The following TSPAN19 variants were observed in gnomAD, a reference collection of about 807,000 sequenced individuals.
TSPAN19 encodes the protein tetraspanin-19.
TSPAN19 carries 44 observed loss-of-function variants against 35.1 expected under a neutral mutation model. The ratio of observed to expected loss-of-function variants is 1.25; its 90% confidence interval spans 0.98 to 1.61. The LOEUF is 1.61. Ranked by LOEUF, TSPAN19 falls within the 40% of genes most tolerant of loss-of-function variation. The pLI is 0.00. For missense variants in TSPAN19, 290 were observed against 280.0 expected (o/e 1.04, Z -0.26); for synonymous variants, 79 against 92.0 (o/e 0.86, Z 0.81).
At chr12:85,033,957 T>G (rs1050620548) in intron 1 of TSPAN19, among the ~76,000 whole-genome samples, 5 of 152,066 alleles carry the variant, frequency 3.3e-5, no homozygotes, top group African/African-American at 1.2e-4. Flanking sequence ...AGTATAGAAA[T>G]ATTAAGATTA....
chr12:85,015,778 G>T, intron 8 of TSPAN19, 110 bp downstream of exon 8: 2 of 731,112 alleles, frequency 2.7e-6, no homozygotes, highest in Non-Finnish European at 4.3e-6. Flanking sequence ...CAAAGTCCTG[G>T]CTCTATTATA....
chr12:85,026,352 A>G (rs1172664135), intron 4 of TSPAN19, among the ~76,000 whole-genome samples: 1 of 152,164 alleles, frequency 6.6e-6, no homozygotes. Flanking sequence ...AGAGAGAAAG[A>G]TAAGATTTGA....
At chr12:85,025,282 C>G (rs1269831489) in intron 4 of TSPAN19, among the ~76,000 whole-genome samples, 1 of 151,130 alleles carries the variant, frequency 6.6e-6, no homozygotes, top group South Asian at 2.1e-4. Context: ...ATTACCAGTG[C>G]CCACCACCAC....
chr12:85,023,339 G>T lies in TSPAN19; in HGVS notation c.326C>A (p.Thr109Lys). ...VQVVLSAFII[T>K]KKEEVQQLWH... ...TACTTTCCATACCTCCTCTTTCTTT[G>T]TGATGATGAATGCTGAAAGTACAAC... Residue 109 changes from threonine (T) to lysine (K), a missense_variant, in exon 5 of 9, where the codon ACA (threonine) becomes AAA (lysine). By Grantham distance (78) the Thr-to-Lys change is moderately conservative (BLOSUM62 -1). Transcript: ENST00000532498. 1 of 1,583,740 alleles carries T rather than the reference G, an allele frequency of 6.3e-7. No homozygotes were observed. The highest frequency in any genetic ancestry group is 8.6e-7 in the Non-Finnish European group (1 of 1,163,698).
intron 1 of TSPAN19, among the ~76,000 whole-genome samples, chr12:85,032,086 C>T (rs1015077244): frequency 6.6e-6 from 1 of 151,976 alleles, no homozygotes; most frequent in Admixed American, 6.6e-5. Context: ...TTTAAAAATT[C>T]AGGAAAATGG....
chr12:85,018,495 T>G (rs777263805), intron 6 of TSPAN19, among the ~76,000 whole-genome samples: 7 of 151,894 alleles, frequency 4.6e-5, no homozygotes, highest in Non-Finnish European at 8.8e-5. Context: ...CAGAATTGTT[T>G]CCTCATCATT....
At chr12:85,019,914 T>C (rs1877030215) in intron 5 of TSPAN19, among the ~76,000 whole-genome samples, 178 bp from the exon 6 acceptor site, 1 of 151,996 alleles carries the variant, frequency 6.6e-6, no homozygotes, top group Non-Finnish European at 1.5e-5. Flanking sequence ...TATCAAATCA[T>C]ATGGTTTTTC....
chr12:85,025,431 C>T (rs1156762091), intron 4 of TSPAN19, among the ~76,000 whole-genome samples: 4 of 152,038 alleles, frequency 2.6e-5, no homozygotes, highest in Admixed American at 2.6e-4. Context: ...TGAGCCACCA[C>T]ACCCGGCATA....
At chr12:85,025,817 C>A (rs1292212401) in intron 4 of TSPAN19, among the ~76,000 whole-genome samples, 3 of 151,960 alleles carry the variant, frequency 2.0e-5, no homozygotes, top group Non-Finnish European at 2.9e-5. Context: ...GAGCACCGCA[C>A]CTGGCCCAAG....
Position 85,029,895 on chromosome 12 carries a change from T to C in TSPAN19, c.52A>G (p.Asn18Asp). The C allele has an allele frequency of 6.7e-7, 1 of 1,484,122 alleles. No homozygotes were observed. The highest frequency in any genetic ancestry group is 1.4e-5 in the African/African-American group (1 of 70,894). 91.9% of individuals were successfully genotyped at this position (1,484,122 alleles called of 1,614,324 possible). The change falls in exon 2 of 9, where the codon AAT becomes GAT. Residue 18 changes from asparagine (N) to aspartate (D), a missense_variant. Coordinates refer to ENST00000532498, the MANE Select transcript of TSPAN19 (RefSeq NM_001100917.2). ...AAGATTCTTACCAAGAAAGCTCCAT[T>C]AATGAGATTAAGAAAGTACTTAATA... ...IIIKYFLNLI[N>D]GAFLVLGLLF...
chr12:85,028,759 C>A lies in TSPAN19; in HGVS notation c.140-736G>T, dbSNP rs1251876513. 2.6e-5 allele frequency among the ~76,000 whole-genome samples: 4 copies of A among 151,956 alleles called. No homozygotes were observed. In the East Asian group the frequency reaches 7.7e-4, roughly 29 times the overall value. ...ATTCACTTTGACACCTTGAAATTGG[C>A]CATTGAGGAGCTGTTTAAACCATGG... On this transcript the variant is annotated intron_variant, in intron 3 of 8. Transcript: ENST00000532498.
At chr12:85,015,730 A>T in intron 8 of TSPAN19, 158 bp downstream of exon 8, 1 of 511,522 alleles carries the variant, frequency 2.0e-6, no homozygotes, top group Non-Finnish European at 3.4e-6. Context: ...CTGGCTGATT[A>T]AGGAATCACC....
chr12:85,015,541 T>TAC (rs10549033), intron 8 of TSPAN19: 6,487 of 146,778 alleles, frequency 0.044, 158 homozygotes, highest in South Asian at 0.08. Context: ...TATGAACATA[T>TAC]ACACACACAC....
At chr12:85,031,472 C>T (rs987619284) in intron 1 of TSPAN19, among the ~76,000 whole-genome samples, 4 of 152,084 alleles carry the variant, frequency 2.6e-5, no homozygotes, top group African/African-American at 9.7e-5. Flanking sequence ...AACCAGAAAG[C>T]TCTGTGGTAA....
intron 3 of TSPAN19, 56 bp downstream of exon 3, chr12:85,029,663 A>T: frequency 1.5e-6 from 2 of 1,310,010 alleles, no homozygotes; most frequent in Non-Finnish European, 2.1e-6. Context: ...TGTGTATACA[A>T]CTGTTAAAAA....
intron 3 of TSPAN19, 31 bp downstream of exon 3, chr12:85,029,688 C>G: frequency 1.4e-6 from 2 of 1,475,324 alleles, no homozygotes; most frequent in South Asian, 2.6e-5. Context: ...ATGTCTATTT[C>G]ACTGAGAGAA....
Position 85,028,048 on chromosome 12 carries a change from TTATGAAGTGGTATTTTA to T in TSPAN19, c.140-42_140-26del, listed in dbSNP as rs756025122. ...TCTGTGAAAAGTACAAATTTACTTA[TTATGAAGTGGTATTTTA>T]TATGAAGTGGTATTTTATTTATTTT... On this transcript the variant is annotated intron_variant, in intron 3 of 8. Coordinates refer to ENST00000532498, the MANE Select transcript of TSPAN19 (RefSeq NM_001100917.2). 1.1e-5 allele frequency: 16 copies of T among 1,480,920 alleles called. No homozygotes were observed. The Admixed American group carries it at 1.6e-4, about 15-fold the overall frequency. 91.7% of individuals were successfully genotyped at this position (1,480,920 alleles called of 1,614,324 possible).
intron 1 of TSPAN19, among the ~76,000 whole-genome samples, chr12:85,032,443 T>C (rs1399257708): frequency 6.6e-6 from 1 of 152,166 alleles, no homozygotes; most frequent in African/African-American, 2.4e-5. Flanking sequence ...CATGGTGTCA[T>C]ATCATGGTGT....
chr12:85,022,195 C>T (rs556978540), intron 5 of TSPAN19, among the ~76,000 whole-genome samples: 2 of 151,916 alleles, frequency 1.3e-5, no homozygotes, highest in East Asian at 1.9e-4. Context: ...AGCTAACATA[C>T]CTTTAAAACT....
Sources: allele counts gnomAD v4.1 joint callset (sites outside exome capture counted in the v4.1 genomes callset), GRCh38; gene constraint gnomAD v4.1.1; transcripts MANE v1.5; gene names NCBI Gene and HGNC (gene_info 2026-07-23, HGNC 2026-07-21).